The following NBAS variants were observed in gnomAD, a reference collection of about 807,000 sequenced individuals.
NBAS encodes the protein NBAS subunit of NRZ tethering complex, also known as NAG/BC035112 fusion.
NBAS carries 219 observed loss-of-function variants against 302.5 expected under a neutral mutation model. The ratio of observed to expected loss-of-function variants is 0.72; its 90% CI spans 0.65 to 0.81. NBAS has a LOEUF of 0.81. NBAS is among the 30% of genes least tolerant of loss of function. NBAS has a pLI of 0.00. For synonymous variants in NBAS, 1,118 were observed against 1,021.6 expected, an observed-to-expected ratio of 1.09 and a Z score of -1.80; for missense variants, 2,932 against 2,841.6, an observed-to-expected ratio of 1.03 and a Z score of -0.72.
the NBAS span, among the ~76,000 whole-genome samples, chr2:15,088,895 T>C: frequency 6.7e-4 from 102 of 152,294 alleles, no homozygotes; most frequent in South Asian, 1.5e-3. Context: ...TTCAGGCCAA[T>C]AGACGGGCCT....
At chr2:14,905,046 C>CA in the NBAS span, among the ~76,000 whole-genome samples, 199 of 151,172 alleles carry the variant, frequency 1.3e-3, 3 homozygotes, top group Non-Finnish European at 3.7e-4. Context: ...GACTCCGTCT[C>CA]AAAAAAAAAG....
At chr2:14,849,054 C>A in the NBAS span, among the ~76,000 whole-genome samples, 16 of 150,958 alleles carry the variant, frequency 1.1e-4, no homozygotes, top group African/African-American at 2.2e-4. Context: ...TCCTCACCAG[C>A]AACGGAACAA....
the NBAS span, among the ~76,000 whole-genome samples, chr2:15,094,026 T>A: frequency 6.6e-6 from 1 of 152,334 alleles, no homozygotes; most frequent in East Asian, 1.9e-4. Flanking sequence ...GTGAGTTGTA[T>A]TCATTGTTAA....
chr2:15,111,877 T>A, the NBAS span, among the ~76,000 whole-genome samples: 1 of 147,860 alleles, frequency 6.8e-6, no homozygotes, highest in African/African-American at 2.5e-5. Flanking sequence ...ATTATTATAT[T>A]TAATTATATT....
intron 32 of NBAS, among the ~76,000 whole-genome samples, chr2:15,363,593 A>G (rs1228097653): frequency 6.6e-6 from 1 of 152,188 alleles, no homozygotes; most frequent in Non-Finnish European, 1.5e-5. Context: ...TAATTATTTA[A>G]CTTTTCTCTA....
At chr2:14,848,620 G>A in the NBAS span, among the ~76,000 whole-genome samples, 2 of 140,008 alleles carry the variant, frequency 1.4e-5, 1 homozygote, top group South Asian at 4.2e-4. Flanking sequence ...CACCTCTGGG[G>A]GCAGGGCACA....
chr2:14,786,711 T>C, the NBAS span, among the ~76,000 whole-genome samples: 101 of 152,210 alleles, frequency 6.6e-4, 2 homozygotes, highest in Admixed American at 2.0e-4. Context: ...TTCTGATCTT[T>C]TCCATTTGCT....
chr2:15,047,983 C>T, the NBAS span, among the ~76,000 whole-genome samples: 1 of 152,210 alleles, frequency 6.6e-6, no homozygotes, highest in Non-Finnish European at 1.5e-5. Flanking sequence ...AGTATGAAAT[C>T]AATAACTGAG....
chr2:14,795,936 T>G, the NBAS span, among the ~76,000 whole-genome samples: 1 of 152,224 alleles, frequency 6.6e-6, no homozygotes, highest in Non-Finnish European at 1.5e-5. Context: ...TGTATGTCTT[T>G]TAGAAGTTTT....
the NBAS span, among the ~76,000 whole-genome samples, chr2:14,841,681 G>A: frequency 6.6e-6 from 1 of 151,824 alleles, no homozygotes; most frequent in South Asian, 2.1e-4. Context: ...AAAGCTCCCA[G>A]GTATATAAAG....
intron 21 of NBAS, among the ~76,000 whole-genome samples, chr2:15,447,495 A>T (rs1049461166): frequency 1.3e-5 from 2 of 152,172 alleles, no homozygotes; most frequent in African/African-American, 4.8e-5. Flanking sequence ...CTCTGGAGTG[A>T]GGTGGCTAGA....
chr2:15,030,459 T>C, the NBAS span, among the ~76,000 whole-genome samples: 1 of 152,188 alleles, frequency 6.6e-6, no homozygotes, highest in Non-Finnish European at 1.5e-5. Flanking sequence ...TTCATACTGA[T>C]GAGTTTCCCA....
At chr2:15,151,487 T>G in the NBAS span, among the ~76,000 whole-genome samples, 503 of 152,338 alleles carry the variant, frequency 3.3e-3, 5 homozygotes, top group African/African-American at 0.012. Flanking sequence ...AGGCTATCAC[T>G]TCCCAGCAAA....
At chr2:15,475,209 TAAAGGTTGTTACCCTTGA>T (rs1249465937) in intron 14 of NBAS, among the ~76,000 whole-genome samples, 2 of 152,216 alleles carry the variant, frequency 1.3e-5, no homozygotes, top group African/African-American at 4.8e-5. Context: ...TGAAAGCTAT[TAAAGGTTGTTACCCTTGA>T]AAGGCTTAAA....
At chr2:15,536,394 A>T (rs778466982) in intron 8 of NBAS, 24 bp downstream of exon 8, 1 of 1,609,988 alleles carries the variant, frequency 6.2e-7, no homozygotes, top group South Asian at 1.1e-5. Context: ...TATTTCAAAT[A>T]TGGCTTCCAA....
intron 48 of NBAS, among the ~76,000 whole-genome samples, chr2:15,201,893 G>A (rs1370546173): frequency 6.6e-6 from 1 of 152,200 alleles, no homozygotes; most frequent in African/African-American, 2.4e-5. Context: ...CTCATGCAAG[G>A]GTGAGAAGAT....
Position 15,475,818 on chromosome 2 carries a change from C to G in NBAS, c.1210G>C (p.Ala404Pro). 1 of 1,614,060 alleles carries G rather than the reference C, an allele frequency of 6.2e-7. No individual in the cohort carries two copies. Among genetic ancestry groups the G allele is most frequent in the Non-Finnish European group, 8.5e-7 (1 of 1,179,986 alleles). ...NWWADSAVTL[A>P]RCSGALTVSS... ...ACAGTTAAAGCACCAGAGCATCGAG[C>G]TAAAGTCACTGCACTGTCTGCCCAC... is the stretch of plus-strand genomic sequence containing the variant. The change falls in exon 14 of 52, where the codon GCT becomes CCT. Residue 404 changes from alanine to proline, a missense_variant. Transcript: ENST00000281513.
At chr2:15,003,579 G>T in the NBAS span, among the ~76,000 whole-genome samples, 1 of 152,156 alleles carries the variant, frequency 6.6e-6, no homozygotes, top group African/African-American at 2.4e-5. Flanking sequence ...AACGGACTAG[G>T]GGAGGTCTCT....
chr2:15,059,558 C>T, the NBAS span, among the ~76,000 whole-genome samples: 1 of 152,090 alleles, frequency 6.6e-6, no homozygotes, highest in South Asian at 2.1e-4. Context: ...TCAGAGACCA[C>T]CTCACATAGA....
Sources: allele counts gnomAD v4.1 joint callset (sites outside exome capture counted in the v4.1 genomes callset), GRCh38; gene constraint gnomAD v4.1.1; transcripts MANE v1.5; gene names NCBI Gene and HGNC (gene_info 2026-07-23, HGNC 2026-07-21).